The following OSBPL9 variants were observed in gnomAD, a reference collection of about 807,000 sequenced individuals.
OSBPL9 encodes oxysterol binding protein like 9, also known as oxysterol-binding protein-related protein 9.
Under a neutral mutation model 106.6 loss-of-function variants are expected in OSBPL9, and 40 were observed. That is an observed-to-expected ratio of 0.38 (90% CI 0.29 to 0.49). OSBPL9 has a LOEUF of 0.49. OSBPL9 is among the 20% of genes least tolerant of loss of function. The probability of loss-of-function intolerance (pLI) is 0.97; values close to 1 mark genes in which losing one functional copy is unlikely to be tolerated. For synonymous variants in OSBPL9, 269 were observed against 295.4 expected, an observed-to-expected ratio of 0.91 and a Z score of 0.92; for missense variants, 609 against 887.2, an observed-to-expected ratio of 0.69 and a Z score of 3.98.
chr1:51,551,753 A>AT, the OSBPL9 span, among the ~76,000 whole-genome samples: 43 of 146,734 alleles, frequency 2.9e-4, no homozygotes, highest in South Asian at 1.1e-3. Flanking sequence ...CACCTGGCTA[A>AT]TTTTTTTTTT....
At chr1:51,594,444 A>C (rs1645290359) in intron 1 of OSBPL9, among the ~76,000 whole-genome samples, 1 of 151,988 alleles carries the variant, frequency 6.6e-6, no homozygotes, top group Non-Finnish European at 1.5e-5. Context: ...AAAAAGAAAA[A>C]AAAGAAACAG....
At chr1:51,649,211 A>G (rs1343746373) in intron 1 of OSBPL9, among the ~76,000 whole-genome samples, 1 of 152,162 alleles carries the variant, frequency 6.6e-6, no homozygotes, top group East Asian at 1.9e-4. Context: ...GGTTCAAGGG[A>G]TTCTCCTACT....
intron 3 of OSBPL9, among the ~76,000 whole-genome samples, chr1:51,704,012 C>T (rs1280289271): frequency 3.3e-5 from 5 of 152,144 alleles, no homozygotes; most frequent in Admixed American, 6.6e-5. Context: ...GATAAGCTTT[C>T]TGATGTGCTG....
chr1:51,783,225 G>A (rs2149151321), intron 17 of OSBPL9, among the ~76,000 whole-genome samples: 1 of 152,064 alleles, frequency 6.6e-6, no homozygotes, highest in East Asian at 1.9e-4. Context: ...CTGTCCCCCA[G>A]GGTGGAATGC....
chr1:51,545,766 C>G, the OSBPL9 span, among the ~76,000 whole-genome samples: 1 of 152,232 alleles, frequency 6.6e-6, no homozygotes, highest in African/African-American at 2.4e-5. Flanking sequence ...AACAAACACA[C>G]ACACAAAACA....
intron 1 of OSBPL9, among the ~76,000 whole-genome samples, chr1:51,583,264 C>T (rs1267465985): frequency 6.6e-6 from 1 of 152,044 alleles, no homozygotes; most frequent in African/African-American, 2.4e-5. Flanking sequence ...AGGTGAGCTA[C>T]ACAGGTAGAA....
the OSBPL9 span, among the ~76,000 whole-genome samples, chr1:51,541,435 T>C: frequency 6.6e-6 from 1 of 152,224 alleles, no homozygotes; most frequent in African/African-American, 2.4e-5. Flanking sequence ...TCTCTTTACA[T>C]CCTGTTAGTC....
intron 3 of OSBPL9, among the ~76,000 whole-genome samples, chr1:51,685,463 A>G (rs1023824906): frequency 2.6e-5 from 4 of 151,738 alleles, no homozygotes; most frequent in Admixed American, 2.6e-4. Context: ...GCTGGAGTAT[A>G]GTGGCATGAT....
chr1:51,587,755 G>A (rs185442518), intron 1 of OSBPL9, among the ~76,000 whole-genome samples: 38 of 152,146 alleles, frequency 2.5e-4, no homozygotes, highest in East Asian at 9.6e-4. Context: ...ACTTACTTGC[G>A]CTCTTCTCTA....
chr1:51,586,185 TTAATAA>T (rs150098735), intron 1 of OSBPL9, among the ~76,000 whole-genome samples: 3 of 151,196 alleles, frequency 2.0e-5, no homozygotes, highest in East Asian at 1.9e-4. Flanking sequence ...AAAAAATAAA[TTAATAA>T]TAATAATAAT....
chr1:51,703,997 T>C (rs1657883339), intron 3 of OSBPL9, among the ~76,000 whole-genome samples: 1 of 152,252 alleles, frequency 6.6e-6, no homozygotes, highest in Non-Finnish European at 1.5e-5. Context: ...CACTTGATCA[T>C]GGTAGATAAG....
intron 20 of OSBPL9, 86 bp from the exon 21 acceptor site, chr1:51,785,722 C>CTG: frequency 8.7e-7 from 1 of 1,148,340 alleles, no homozygotes; most frequent in Non-Finnish European, 1.3e-6. Context: ...CTTCTGTGCT[C>CTG]TACTCTGTAG....
At chr1:51,725,808 T>G (rs1663009078) in intron 4 of OSBPL9, among the ~76,000 whole-genome samples, 1 of 152,158 alleles carries the variant, frequency 6.6e-6, no homozygotes, top group African/African-American at 2.4e-5. Context: ...CACAAAACTG[T>G]GGTTCTCCCC....
the OSBPL9 span, among the ~76,000 whole-genome samples, chr1:51,537,641 T>C: frequency 1.3e-5 from 2 of 152,168 alleles, no homozygotes; most frequent in Admixed American, 1.3e-4. Flanking sequence ...ACTGCAGATA[T>C]GAACTCCTGA....
chr1:51,737,962 A>C (rs1242804279), intron 4 of OSBPL9, among the ~76,000 whole-genome samples: 1 of 152,054 alleles, frequency 6.6e-6, no homozygotes. Flanking sequence ...AACTTTGCTG[A>C]GACAACCAGG....
intron 4 of OSBPL9, among the ~76,000 whole-genome samples, chr1:51,722,812 T>C (rs916290459): frequency 2.6e-5 from 4 of 152,210 alleles, no homozygotes; most frequent in African/African-American, 9.6e-5. Context: ...ACATGGAAAT[T>C]GACTGACTTT....
intron 8 of OSBPL9, chr1:51,752,594 A>C (rs979275086): frequency 6.6e-6 from 3 of 454,148 alleles, no homozygotes; most frequent in African/African-American, 6.0e-5. Flanking sequence ...GGGTGGCTTA[A>C]AGAACAGAAG....
At chr1:51,529,302 C>T in the OSBPL9 span, among the ~76,000 whole-genome samples, 3 of 151,812 alleles carry the variant, frequency 2.0e-5, no homozygotes, top group South Asian at 4.2e-4. Context: ...TGCAGTGGCA[C>T]GATCTCGGTT....
chr1:51,771,059 A>G (rs1414452660), intron 12 of OSBPL9, among the ~76,000 whole-genome samples: 1 of 152,204 alleles, frequency 6.6e-6, no homozygotes, highest in Non-Finnish European at 1.5e-5. Context: ...GCAGGTGTGG[A>G]GACAGGGAAT....
Sources: allele counts gnomAD v4.1 joint callset (sites outside exome capture counted in the v4.1 genomes callset), GRCh38; gene constraint gnomAD v4.1.1; transcripts MANE v1.5; gene names NCBI Gene and HGNC (gene_info 2026-07-23, HGNC 2026-07-21).